The following LINGO1 variants were observed in gnomAD, a reference collection of about 807,000 sequenced individuals.
LINGO1 encodes the protein leucine-rich repeat and immunoglobulin-like domain-containing nogo receptor-interacting protein 1.
Under a neutral mutation model 37.3 loss-of-function variants are expected in LINGO1, and 11 were observed. That is an observed-to-expected ratio of 0.29 (90% CI 0.19 to 0.49). The LOEUF (loss-of-function observed/expected upper bound fraction) is 0.49, where lower values mean the gene tolerates loss of function less well. Among genes scored for constraint, LINGO1 ranks in the 20% least tolerant of loss-of-function variants. LINGO1 has a pLI of 0.99. For synonymous variants in LINGO1, 387 were observed against 403.0 expected (o/e 0.96, Z 0.48); for missense variants, 585 against 878.2 (o/e 0.67, Z 4.22).
intron 2 of LINGO1, among the ~76,000 whole-genome samples, chr15:77,714,023 C>T (rs769221059): frequency 2.6e-5 from 4 of 152,090 alleles, no homozygotes; most frequent in Non-Finnish European, 4.4e-5. Flanking sequence ...TTCCCACGTC[C>T]CCATCCCCTA....
Position 77,614,577 on chromosome 15 carries a change from A to C in LINGO1, c.1330T>G (p.Phe444Val). ...GGGTCGCCATCGGCCCGGCACACAA[A>C]CTGCACCGTGTGGCCCTCGTCCACA... ...VFVDEGHTVQ[F>V]VCRADGDPPP... Residue 444 changes from phenylalanine (F) to valine (V), a missense_variant, in exon 2 of 2, where the codon TTT becomes GTT. Phe to Val is a conservative substitution (Grantham distance 50). Transcript: ENST00000355300. 1 of 1,611,024 alleles carries C rather than the reference A, an allele frequency of 6.2e-7. No individual in the cohort carries two copies.
intron 2 of LINGO1, among the ~76,000 whole-genome samples, chr15:77,704,959 C>T (rs1182293772): frequency 6.6e-6 from 1 of 152,116 alleles, no homozygotes; most frequent in Non-Finnish European, 1.5e-5. Flanking sequence ...CACCAGAGAC[C>T]AGTGTCATGG....
intron 1 of LINGO1, among the ~76,000 whole-genome samples, chr15:77,783,945 C>T (rs2141431548): frequency 6.6e-6 from 1 of 152,350 alleles, no homozygotes; most frequent in African/African-American, 2.4e-5. Context: ...ACTGACTTTG[C>T]CTCGCCTTTC....
upstream of LINGO1, among the ~76,000 whole-genome samples, chr15:77,791,718 C>T (rs919375905): frequency 2.6e-5 from 4 of 152,148 alleles, no homozygotes; most frequent in South Asian, 2.1e-4. Context: ...GTTAAGAGTC[C>T]CTTACAAGAG....
chr15:77,674,398 T>C (rs1318581173), intron 3 of LINGO1, among the ~76,000 whole-genome samples: 1 of 152,220 alleles, frequency 6.6e-6, no homozygotes, highest in Non-Finnish European at 1.5e-5. Flanking sequence ...AATCATGCCA[T>C]GTCACTACGC....
intron 1 of LINGO1, among the ~76,000 whole-genome samples, chr15:77,742,218 C>T (rs1443857321): frequency 6.6e-6 from 1 of 152,244 alleles, no homozygotes; most frequent in East Asian, 1.9e-4. Flanking sequence ...GGAGAGTGTT[C>T]TCTCCAAAGC....
chr15:77,690,382 T>C (rs995846454), intron 2 of LINGO1, among the ~76,000 whole-genome samples: 12 of 152,190 alleles, frequency 7.9e-5, no homozygotes, highest in African/African-American at 2.9e-4. Flanking sequence ...GCCAGGCATC[T>C]TTTGACCATG....
intron 1 of LINGO1, among the ~76,000 whole-genome samples, chr15:77,625,435 T>C (rs961253882): frequency 1.1e-4 from 17 of 152,178 alleles, no homozygotes. Context: ...ACAAAGAGGT[T>C]CCATAACTTG....
intron 1 of LINGO1, among the ~76,000 whole-genome samples, chr15:77,799,693 G>A (rs983543868): frequency 6.6e-6 from 1 of 152,240 alleles, no homozygotes; most frequent in Non-Finnish European, 1.5e-5. Context: ...GGTGAGCAGA[G>A]AACCAGTGAG....
chr15:77,661,934 A>G (rs2075002864), intron 3 of LINGO1, among the ~76,000 whole-genome samples: 1 of 151,746 alleles, frequency 6.6e-6, no homozygotes, highest in Admixed American at 6.6e-5. Flanking sequence ...TTCTTTCCCA[A>G]TCCTCATGGG....
At chr15:77,668,916 A>T (rs1223731014) in intron 3 of LINGO1, among the ~76,000 whole-genome samples, 1 of 151,928 alleles carries the variant, frequency 6.6e-6, no homozygotes, top group Non-Finnish European at 1.5e-5. Context: ...AAAAAATCCC[A>T]TGTGGTCTTC....
At chr15:77,782,512 C>T (rs1179340802) in intron 1 of LINGO1, among the ~76,000 whole-genome samples, 1 of 152,200 alleles carries the variant, frequency 6.6e-6, no homozygotes, top group African/African-American at 2.4e-5. Flanking sequence ...CCGATGCTGA[C>T]CGAAGGCCCG....
intron 1 of LINGO1, among the ~76,000 whole-genome samples, chr15:77,770,897 G>A (rs2076578580): frequency 6.6e-6 from 1 of 152,226 alleles, no homozygotes; most frequent in Non-Finnish European, 1.5e-5. Context: ...AGGCCAGTCA[G>A]GGAAGTGGGC....
At chr15:77,670,953 C>A (rs1428613249) in intron 3 of LINGO1, among the ~76,000 whole-genome samples, 1 of 152,234 alleles carries the variant, frequency 6.6e-6, no homozygotes, top group Non-Finnish European at 1.5e-5. Flanking sequence ...TGTCTATCAT[C>A]CCTTTGCTCA....
intron 3 of LINGO1, among the ~76,000 whole-genome samples, chr15:77,668,649 A>G (rs554470974): frequency 1.5e-3 from 229 of 152,254 alleles, no homozygotes; most frequent in African/African-American, 5.3e-3. Context: ...AGTTCATGAC[A>G]GTGTGCAGAG....
At chr15:77,703,448 C>A (rs1430818588) in intron 2 of LINGO1, among the ~76,000 whole-genome samples, 1 of 152,118 alleles carries the variant, frequency 6.6e-6, no homozygotes, top group Non-Finnish European at 1.5e-5. Context: ...GTTCTGGGCC[C>A]CTCCACTACT....
intron 1 of LINGO1, among the ~76,000 whole-genome samples, chr15:77,807,970 C>T (rs2141474096): frequency 6.6e-6 from 1 of 152,166 alleles, no homozygotes; most frequent in African/African-American, 2.4e-5. Flanking sequence ...CCTCTGGTCC[C>T]CACCCAGCTC....
chr15:77,747,466 A>G (rs1282443572), intron 1 of LINGO1, among the ~76,000 whole-genome samples: 2 of 152,170 alleles, frequency 1.3e-5, no homozygotes, highest in African/African-American at 2.4e-5. Flanking sequence ...AAGCCTCTTC[A>G]TTACTTTTTC....
At chr15:77,697,543 A>G (rs1596124051), upstream of LINGO1, among the ~76,000 whole-genome samples, 1 of 152,192 alleles carries the variant, frequency 6.6e-6, no homozygotes, top group Non-Finnish European at 1.5e-5. Context: ...GAGTTCCCAC[A>G]GCCTGGGGGA....
Sources: gnomAD v4.1 joint callset for allele counts (sites outside exome capture counted in the v4.1 genomes callset) on GRCh38, gnomAD v4.1.1 for gene constraint, MANE v1.5 for transcripts, NCBI Gene and HGNC (gene_info 2026-07-23, HGNC 2026-07-21) for gene names.